LRRC7: variants seen among roughly 807,000 people sequenced by gnomAD.
LRRC7 encodes leucine rich repeat containing 7, also known as leucine-rich repeat-containing protein 7.
LRRC7 carries 23 observed loss-of-function variants against 175.7 expected under a neutral mutation model. The ratio of observed to expected loss-of-function variants is 0.13; its 90% CI spans 0.09 to 0.19. The LOEUF (loss-of-function observed/expected upper bound fraction) is 0.19. LRRC7 is among the 10% of genes least tolerant of loss of function. LRRC7 has a pLI of 1.00. For synonymous variants in LRRC7, 685 were observed against 680.9 expected, an observed-to-expected ratio of 1.01 and a Z score of -0.09; for missense variants, 1,354 against 1,904.7, an observed-to-expected ratio of 0.71 and a Z score of 5.38.
intron 7 of LRRC7, among the ~76,000 whole-genome samples, chr1:69,847,548 G>T (rs562969054): frequency 2.0e-5 from 3 of 152,064 alleles, no homozygotes; most frequent in African/African-American, 7.2e-5. Flanking sequence ...AACCAAACTT[G>T]GTTAAACCAA....
intron 18 of LRRC7, among the ~76,000 whole-genome samples, chr1:70,032,091 C>A (rs1411507091): frequency 2.0e-5 from 3 of 152,204 alleles, no homozygotes; most frequent in Non-Finnish European, 1.5e-5. Flanking sequence ...GCCACCGCTC[C>A]CGGCCAAGGA....
chr1:69,840,710 A>G (rs1462243568), intron 7 of LRRC7, among the ~76,000 whole-genome samples: 1 of 152,052 alleles, frequency 6.6e-6, no homozygotes, highest in Non-Finnish European at 1.5e-5. Context: ...ATTCCTCTAC[A>G]TACATCAAGG....
At chr1:69,929,019 A>T (rs1647184834) in intron 7 of LRRC7, among the ~76,000 whole-genome samples, 3 of 152,024 alleles carry the variant, frequency 2.0e-5, no homozygotes, top group South Asian at 4.1e-4. Context: ...TTTTTCTCCT[A>T]TGTCCCTAGT....
chr1:69,983,083 A>G (rs1379102654), intron 9 of LRRC7, among the ~76,000 whole-genome samples: 5 of 152,226 alleles, frequency 3.3e-5, no homozygotes, highest in African/African-American at 1.2e-4. Context: ...TCATTCTTTC[A>G]TTGCTCAATG....
intron 7 of LRRC7, among the ~76,000 whole-genome samples, chr1:69,893,297 A>G (rs953968681): frequency 1.3e-5 from 2 of 152,180 alleles, no homozygotes; most frequent in African/African-American, 4.8e-5. Context: ...AAGATTCAAG[A>G]TTGAAAATGT....
chr1:69,906,778 T>A (rs1003435042), intron 7 of LRRC7, among the ~76,000 whole-genome samples: 2 of 152,132 alleles, frequency 1.3e-5, no homozygotes, highest in African/African-American at 2.4e-5. Context: ...TTAAAGCAGT[T>A]TTTTCCAATT....
At chr1:69,872,671 A>G (rs1324630738) in intron 7 of LRRC7, among the ~76,000 whole-genome samples, 1 of 152,096 alleles carries the variant, frequency 6.6e-6, no homozygotes, top group Non-Finnish European at 1.5e-5. Flanking sequence ...CAAATTACAC[A>G]TATTTTCATT....
intron 2 of LRRC7, among the ~76,000 whole-genome samples, chr1:69,740,659 G>A (rs1373621893): frequency 2.0e-5 from 3 of 152,048 alleles, no homozygotes; most frequent in East Asian, 1.9e-4. Flanking sequence ...AACAGGGTTC[G>A]AGCAGTTGGC....
intron 26 of LRRC7, 78 bp downstream of exon 26, chr1:70,107,904 G>T (rs1274401700): frequency 1.3e-5 from 16 of 1,231,068 alleles, no homozygotes; most frequent in Non-Finnish European, 1.5e-5. Context: ...TAAATGATTT[G>T]AATTAAATGA....
At chr1:69,953,552 G>T (rs1195076747) in intron 8 of LRRC7, among the ~76,000 whole-genome samples, 1 of 151,930 alleles carries the variant, frequency 6.6e-6, no homozygotes, top group African/African-American at 2.4e-5. Flanking sequence ...TAACCTTTGG[G>T]AACCCACTGT....
chr1:70,031,328 T>C (rs1252091922), intron 18 of LRRC7: 2 of 152,220 alleles, frequency 1.3e-5, no homozygotes, highest in Non-Finnish European at 2.9e-5. Flanking sequence ...TTCAATTAGA[T>C]ATTCATTGAA....
intron 7 of LRRC7, chr1:69,919,455 G>C (rs1156422203): frequency 1.0e-6 from 1 of 986,842 alleles, no homozygotes; most frequent in African/African-American, 1.6e-5. Flanking sequence ...ACCCCAGCCA[G>C]TGGGAGCGGC....
intron 1 of LRRC7, among the ~76,000 whole-genome samples, chr1:69,584,674 C>T (rs1033475320): frequency 6.6e-6 from 1 of 152,064 alleles, no homozygotes; most frequent in African/African-American, 2.4e-5. Flanking sequence ...AATCATCTTA[C>T]CCCTTCCCCA....
chr1:69,919,756 C>T, intron 7 of LRRC7: 1 of 974,544 alleles, frequency 1.0e-6, no homozygotes, highest in Non-Finnish European at 1.6e-6. Context: ...CATTTGAAGA[C>T]CCCTGGTTTG....
intron 2 of LRRC7, among the ~76,000 whole-genome samples, chr1:69,679,066 A>G (rs905810773): frequency 1.8e-4 from 28 of 152,150 alleles, no homozygotes; most frequent in Non-Finnish European, 3.7e-4. Context: ...ATTATTAAAT[A>G]CTAGAATATG....
chr1:70,060,597 T>C (rs1177693463), intron 23 of LRRC7, among the ~76,000 whole-genome samples: 3 of 152,006 alleles, frequency 2.0e-5, no homozygotes, highest in Non-Finnish European at 4.4e-5. Flanking sequence ...GATTTAAATA[T>C]TGGAAAAAAA....
At chr1:69,885,043 T>A (rs1384105960) in intron 7 of LRRC7, among the ~76,000 whole-genome samples, 2 of 136,676 alleles carry the variant, frequency 1.5e-5, no homozygotes, top group Non-Finnish European at 3.2e-5. Context: ...GATTTTTGCA[T>A]CAATGTTCAT....
intron 1 of LRRC7, among the ~76,000 whole-genome samples, chr1:69,639,310 A>G (rs934231374): frequency 6.6e-6 from 1 of 151,754 alleles, no homozygotes; most frequent in African/African-American, 2.4e-5. Flanking sequence ...ACTCATCAAG[A>G]ATTATCATGC....
chr1:69,945,528 A>G (rs1570757152), intron 8 of LRRC7, among the ~76,000 whole-genome samples: 2 of 152,038 alleles, frequency 1.3e-5, no homozygotes, highest in East Asian at 3.9e-4. Flanking sequence ...CATTTTTTAT[A>G]ATTCTGTGGA....
Sources: allele counts gnomAD v4.1 joint callset (sites outside exome capture counted in the v4.1 genomes callset), GRCh38; gene constraint gnomAD v4.1.1; transcripts MANE v1.5; gene names NCBI Gene and HGNC (gene_info 2026-07-23, HGNC 2026-07-21).